Variants in TTC29 observed in about 807,000 individuals in gnomAD.
The protein encoded by TTC29 is tetratricopeptide repeat protein 29.
In TTC29, 49 loss-of-function variants were observed where a neutral mutation model predicts 58.1. That is an observed-to-expected ratio of 0.84 (90% CI 0.67 to 1.07). The LOEUF (loss-of-function observed/expected upper bound fraction) is 1.07, where lower values mean the gene tolerates loss of function less well. TTC29 is among the 50% of genes least tolerant of loss of function. TTC29 has a pLI of 0.00. For synonymous variants in TTC29, 209 were observed against 196.8 expected (o/e 1.06, Z -0.52); for missense variants, 582 against 555.6 (o/e 1.05, Z -0.48).
intron 11 of TTC29, among the ~76,000 whole-genome samples, chr4:146,740,841 C>T (rs988471158): frequency 2.6e-5 from 4 of 152,014 alleles, no homozygotes; most frequent in African/African-American, 4.8e-5. Context: ...GTGATCCTCC[C>T]GCCTCAGCCT....
chr4:146,875,254 T>C (rs1349343228), intron 6 of TTC29, among the ~76,000 whole-genome samples: 1 of 152,214 alleles, frequency 6.6e-6, no homozygotes, highest in Non-Finnish European at 1.5e-5. Flanking sequence ...TTTAACATTA[T>C]GTATGCCATG....
intron 11 of TTC29, among the ~76,000 whole-genome samples, chr4:146,747,172 G>C (rs1330057224): frequency 1.3e-5 from 2 of 152,152 alleles, no homozygotes; most frequent in Non-Finnish European, 2.9e-5. Context: ...GAGCCTAGCT[G>C]AGAGAGCTCT....
chr4:146,932,654 A>C (rs1034347866), intron 4 of TTC29, among the ~76,000 whole-genome samples: 1 of 152,220 alleles, frequency 6.6e-6, no homozygotes, highest in Non-Finnish European at 1.5e-5. Flanking sequence ...TTGAGATTCA[A>C]GATAAAAACC....
chr4:146,836,715 A>C (rs1218095257), intron 8 of TTC29, among the ~76,000 whole-genome samples: 1 of 152,180 alleles, frequency 6.6e-6, no homozygotes, highest in Non-Finnish European at 1.5e-5. Flanking sequence ...AAAAGATGAC[A>C]TGCATGTTGC....
At chr4:146,909,358 C>T (rs1237509181) in intron 4 of TTC29, 109 bp from the exon 5 acceptor site, 2 of 825,938 alleles carry the variant, frequency 2.4e-6, no homozygotes, top group Non-Finnish European at 3.7e-6. Context: ...TTTTATCCCT[C>T]AGTGAAAGCA....
chr4:146,785,010 T>C (rs1748903033), intron 11 of TTC29, among the ~76,000 whole-genome samples: 1 of 152,220 alleles, frequency 6.6e-6, no homozygotes, highest in Non-Finnish European at 1.5e-5. Flanking sequence ...ATTGAGTTTG[T>C]AAGATCCTTT....
chr4:146,844,747 T>G (rs1729061879), intron 8 of TTC29, among the ~76,000 whole-genome samples: 1 of 152,154 alleles, frequency 6.6e-6, no homozygotes, highest in South Asian at 2.1e-4. Flanking sequence ...CTAGGAAGCC[T>G]TGAAGAATGA....
At chr4:146,726,198 C>T (rs1388052364) in intron 11 of TTC29, among the ~76,000 whole-genome samples, 3 of 151,688 alleles carry the variant, frequency 2.0e-5, no homozygotes, top group Admixed American at 6.6e-5. Context: ...AAAAAAATTT[C>T]AGCTGGGCAC....
Position 146,803,686 on chromosome 4 carries a change from C to A in TTC29, c.1102-1G>T. 2 of 1,558,630 alleles carry A rather than the reference C, an allele frequency of 1.3e-6. No individual in the cohort carries two copies. The highest frequency in any genetic ancestry group is 1.7e-6 in the Non-Finnish European group (2 of 1,148,164). ...ATTCAGAAGCTTTGTTGTAGTATCCCTAAAAAGGTAAGAGAAATAATTTTC... is the reference window on the plus strand; with the variant it reads ...ATTCAGAAGCTTTGTTGTAGTATCCATAAAAAGGTAAGAGAAATAATTTTC... On this transcript the variant is annotated splice_acceptor_variant, in intron 10 of 12. Coordinates refer to ENST00000325106, the MANE Select transcript of TTC29 (RefSeq NM_031956.4). LOFTEE classifies it high-confidence loss of function.
In TTC29 at chr4:146,718,623, T is replaced by C. The variant is rs573958656; in HGVS notation, c.1331-11072A>G. On this transcript the variant is annotated intron_variant, in intron 11 of 12. Coordinates refer to ENST00000325106, the MANE Select transcript of TTC29 (RefSeq NM_031956.4). ...TGTTGGTTATTAATCCCTTATCAGA[T>C]GTATGGCTTGCAAACATCTCCTTCC... Among the ~76,000 whole-genome samples, 7 of 152,278 alleles carry C rather than the reference T, an allele frequency of 4.6e-5. No individual in the cohort carries two copies. In the South Asian group the frequency reaches 1.5e-3, roughly 32 times the overall value.
chr4:146,710,382 G>A (rs2149989608), intron 11 of TTC29, among the ~76,000 whole-genome samples: 1 of 152,282 alleles, frequency 6.6e-6, no homozygotes, highest in Non-Finnish European at 1.5e-5. Flanking sequence ...TGGCTAAAAT[G>A]TCACTAGTAC....
intron 9 of TTC29, among the ~76,000 whole-genome samples, chr4:146,832,679 A>AT (rs985804190): frequency 3.2e-4 from 47 of 146,774 alleles, no homozygotes; most frequent in African/African-American, 1.1e-3. Context: ...TTTAGTAGAG[A>AT]GGGGGCTTCA....
At chr4:146,774,230 A>G (rs144276082) in intron 11 of TTC29, among the ~76,000 whole-genome samples, 7 of 152,078 alleles carry the variant, frequency 4.6e-5, no homozygotes, top group South Asian at 4.1e-4. Flanking sequence ...AATTCCCCTC[A>G]GTTCAGCTCT....
At chr4:146,815,984 G>T (rs962813287) in intron 10 of TTC29, among the ~76,000 whole-genome samples, 5 of 152,272 alleles carry the variant, frequency 3.3e-5, no homozygotes, top group Admixed American at 2.6e-4. Flanking sequence ...TTTTATACTT[G>T]CATTTTCTTA....
chr4:146,934,514 A>G (rs1156498849), intron 4 of TTC29, among the ~76,000 whole-genome samples: 1 of 152,118 alleles, frequency 6.6e-6, no homozygotes, highest in Non-Finnish European at 1.5e-5. Context: ...GGATCTAAAA[A>G]CTTTCAGCTT....
chr4:146,930,120 C>CACATATATATATATATATATATAT (rs1560730099), intron 4 of TTC29, among the ~76,000 whole-genome samples: 19 of 44,502 alleles, frequency 4.3e-4, no homozygotes, highest in African/African-American at 8.8e-4. Context: ...TATATATATA[C>CACATATATATATATATATATATAT]ACACATATAT....
intron 5 of TTC29, among the ~76,000 whole-genome samples, chr4:146,905,249 T>C (rs979080674): frequency 2.6e-5 from 4 of 151,926 alleles, no homozygotes; most frequent in African/African-American, 7.2e-5. Flanking sequence ...TTCTTGGTTA[T>C]ATTTACTGAT....
At chr4:146,877,738 A>T (rs1338457647) in intron 6 of TTC29, among the ~76,000 whole-genome samples, 1 of 152,110 alleles carries the variant, frequency 6.6e-6, no homozygotes, top group Non-Finnish European at 1.5e-5. Flanking sequence ...CTTTTTGGCC[A>T]TGTAAGTGGG....
chr4:146,820,907 C>T (rs572589649), intron 9 of TTC29, among the ~76,000 whole-genome samples: 1 of 151,986 alleles, frequency 6.6e-6, no homozygotes, highest in African/African-American at 2.4e-5. Flanking sequence ...TGGTGGGCAC[C>T]TGTAGTCCCA....
Sources: allele counts gnomAD v4.1 joint callset (sites outside exome capture counted in the v4.1 genomes callset), GRCh38; gene constraint gnomAD v4.1.1; transcripts MANE v1.5; gene names NCBI Gene and HGNC (gene_info 2026-07-23, HGNC 2026-07-21).